The following NDRG2 variants were observed in gnomAD, a reference collection of about 807,000 sequenced individuals.
NDRG2 encodes the protein NDRG family member 2, also known as protein NDRG2.
NDRG2 carries 34 observed loss-of-function variants against 58.2 expected under a neutral mutation model. The ratio of observed to expected loss-of-function variants is 0.58; its 90% CI spans 0.44 to 0.78. The LOEUF (loss-of-function observed/expected upper bound fraction) is 0.78. Among genes scored for constraint, NDRG2 ranks in the 30% least tolerant of loss-of-function variants. The pLI, the probability that NDRG2 is intolerant of heterozygous loss-of-function variation, is 0.00. For missense variants in NDRG2, 434 were observed against 471.2 expected, an observed-to-expected ratio of 0.92 and a Z score of 0.73; for synonymous variants, 187 against 175.9, an observed-to-expected ratio of 1.06 and a Z score of -0.50.
intron 1 of NDRG2, chr14:21,032,026 C>CT: frequency 6.2e-7 from 1 of 1,614,150 alleles, no homozygotes; most frequent in Non-Finnish European, 8.5e-7. Context: ...ACAACACAGG[C>CT]TATGTGAGTG....
chr14:21,022,120 C>G lies in NDRG2; in HGVS notation c.286G>C (p.Val96Leu), dbSNP rs758507628. The G allele has an allele frequency of 1.2e-6, 2 of 1,614,166 alleles. No homozygotes were observed. The highest frequency in any genetic ancestry group is 1.1e-5 in the South Asian group (1 of 91,082). The change falls in exon 5 of 16, where the codon GTG becomes CTG. Residue 96 changes from valine (V) to leucine (L), a missense_variant. Val to Leu is a conservative substitution (Grantham distance 32). Coordinates refer to ENST00000556147, the MANE Select transcript of NDRG2 (RefSeq NM_001320329.2). Reference protein sequence around the residue: ...EDMQEIIQNFVRVHVDAPGME... With the variant: ...EDMQEIIQNFLRVHVDAPGME... ...CCAGGGGCATCCACATGAACCCGCA[C>G]AAAGTTCTGAATGATTTCCTGCATG...
Position 21,017,760 on chromosome 14 carries a change from C to T in NDRG2, c.952G>A (p.Ala318Thr). The T allele has an allele frequency of 6.2e-7, 1 of 1,600,392 alleles. No homozygotes were observed. The highest frequency in any genetic ancestry group is 1.1e-5 in the South Asian group (1 of 89,444). ...GACAGGCGAGTCATGCAGGATGAGG[C>T]CACTGTGGAGACAGCACGATGCACA... ...KYFLQGMGYMASSCMTRLSRS... is the reference protein window; with the variant it reads ...KYFLQGMGYMTSSCMTRLSRS... The change falls in exon 16 of 16, where the codon GCC (alanine) becomes ACC (threonine). Residue 318 changes from alanine to threonine, a missense_variant and splice_region_variant. Coordinates refer to ENST00000556147, the MANE Select transcript of NDRG2 (RefSeq NM_001320329.2).
At chr14:21,063,854 T>C (rs1321658220) in intron 1 of NDRG2, among the ~76,000 whole-genome samples, 1 of 152,206 alleles carries the variant, frequency 6.6e-6, no homozygotes, top group African/African-American at 2.4e-5. Context: ...GCTTAAAATT[T>C]TTCAGTGAGA....
At chr14:21,056,455 A>T (rs888896585) in intron 1 of NDRG2, among the ~76,000 whole-genome samples, 8 of 152,188 alleles carry the variant, frequency 5.3e-5, no homozygotes, top group African/African-American at 1.9e-4. Context: ...AACTTTTAAA[A>T]ATTCTATCCA....
rs937671172 is a variant in NDRG2, at chr14:21,024,528, G to A, written c.-505C>T. ...TCTCCAGTAAGAGGAGGGTAGCAGAGCATGGCTGTTTCCCTCCACAATTTA... is the reference window on the plus strand; with the variant it reads ...TCTCCAGTAAGAGGAGGGTAGCAGAACATGGCTGTTTCCCTCCACAATTTA... On this transcript the variant is annotated 5_prime_UTR_variant, in exon 1 of 16. Coordinates refer to ENST00000556147, the MANE Select transcript of NDRG2 (RefSeq NM_001320329.2). 2.9e-5 allele frequency: 29 copies of A among 985,242 alleles called. No homozygotes were observed. The highest frequency in any genetic ancestry group is 3.3e-5 in the Non-Finnish European group (27 of 829,854). The allele number at this position is 985,242 out of a possible 1,614,324, so 61.0% of individuals were successfully genotyped here.
At chr14:21,060,012 G>A (rs1283767235) in intron 1 of NDRG2, among the ~76,000 whole-genome samples, 1 of 152,100 alleles carries the variant, frequency 6.6e-6, no homozygotes, top group African/African-American at 2.4e-5. Context: ...ACGTGCACCT[G>A]TGTGCACAAC....
intron 1 of NDRG2, chr14:21,058,429 A>G (rs1479212827): frequency 1.8e-6 from 2 of 1,131,858 alleles, no homozygotes; most frequent in African/African-American, 1.6e-5. Context: ...CCAGTTCGTT[A>G]TTAATCCTTG....
intron 1 of NDRG2, among the ~76,000 whole-genome samples, chr14:21,036,849 G>C (rs1387476069): frequency 6.6e-6 from 1 of 152,206 alleles, no homozygotes; most frequent in Non-Finnish European, 1.5e-5. Context: ...AGTGAGGATA[G>C]AGCCCACATG....
intron 1 of NDRG2, among the ~76,000 whole-genome samples, chr14:21,048,103 C>T (rs1885284452): frequency 6.6e-6 from 1 of 152,098 alleles, no homozygotes; most frequent in Non-Finnish European, 1.5e-5. Flanking sequence ...GGGAGAGCTT[C>T]AACTCATTTC....
upstream of NDRG2, chr14:21,025,239 G>A (rs560649797): frequency 8.3e-6 from 7 of 839,788 alleles, no homozygotes; most frequent in South Asian, 1.1e-4. This position sits in a 1 kb window ranked among gnomAD's most constrained non-coding sequence, Gnocchi z 5.1. Flanking sequence ...GGGCCGGGGG[G>A]CGAGGGGCGG....
chr14:21,023,072 C>G, intron 2 of NDRG2, 167 bp from the exon 3 acceptor site: 2 of 957,198 alleles, frequency 2.1e-6, no homozygotes, highest in Non-Finnish European at 3.3e-6. Context: ...AGTGTAGTGA[C>G]GAGACAAGGG....
chr14:21,056,208 C>T (rs1223236483), intron 1 of NDRG2, among the ~76,000 whole-genome samples: 1 of 152,102 alleles, frequency 6.6e-6, no homozygotes, highest in African/African-American at 2.4e-5. Context: ...ACACTATCGC[C>T]GACCTGAGAA....
intron 6 of NDRG2, chr14:21,021,425 C>A: frequency 3.2e-6 from 1 of 315,220 alleles, no homozygotes; most frequent in Admixed American, 4.3e-5. Flanking sequence ...AACTCTCTCT[C>A]ACCCGCAGAG....
rs1265207037 is a variant in NDRG2 at position 21,024,762 on chromosome 14, C to T, written c.-739G>A. Reference sequence around the variant, plus strand: ...GCACCCGGAACCCGTCCCTACGAGTCCCTACGCAGCCCGTCCGCGTGGAGA... The same window carrying T: ...GCACCCGGAACCCGTCCCTACGAGTTCCTACGCAGCCCGTCCGCGTGGAGA... On this transcript the variant is annotated 5_prime_UTR_variant, in exon 1 of 16. Transcript: ENST00000556147. The T allele has an allele frequency of 3.0e-6, 3 of 985,432 alleles. No individual in the cohort carries two copies. In the African/African-American group the frequency reaches 5.2e-5, roughly 17 times the overall value. The allele number at this position is 985,432 out of a possible 1,614,324, so 61.0% of individuals were successfully genotyped here. A position where few individuals can be genotyped will look rare whatever the true frequency, so the allele number is the denominator to read the frequency against.
At chr14:21,054,999 G>T (rs1292363713) in intron 1 of NDRG2, among the ~76,000 whole-genome samples, 2 of 152,100 alleles carry the variant, frequency 1.3e-5, no homozygotes, top group African/African-American at 2.4e-5. Flanking sequence ...TGTTATCCTG[G>T]CTGCCTTTAG....
At chr14:21,059,489 T>C (rs1212258364) in intron 1 of NDRG2, among the ~76,000 whole-genome samples, 2 of 152,090 alleles carry the variant, frequency 1.3e-5, no homozygotes, top group South Asian at 2.1e-4. Flanking sequence ...TTTTGGGTTT[T>C]TTTTTTCTTT....
chr14:21,044,958 C>G lies in NDRG2; in HGVS notation c.25-21637G>C, dbSNP rs1157656842. On this transcript the variant is annotated intron_variant, in intron 1 of 14. Transcript: ENST00000403829. ...CGTCTACATGACCTCGAACAATTGGCTTGTCTGTTTCTCTACAGCAAAATG... is the reference window on the plus strand; with the variant it reads ...CGTCTACATGACCTCGAACAATTGGGTTGTCTGTTTCTCTACAGCAAAATG... 5.9e-5 allele frequency among the ~76,000 whole-genome samples: 9 copies of G among 152,296 alleles called. No homozygotes were observed. The East Asian group carries it at 1.7e-3, about 29-fold the overall frequency.
At chr14:21,022,559 C>T (rs1164118269) in intron 3 of NDRG2, 62 bp from the exon 4 acceptor site, 1 of 1,267,312 alleles carries the variant, frequency 7.9e-7, no homozygotes, top group Non-Finnish European at 1.1e-6. Context: ...AAAGGAGCAA[C>T]ACCAAGGTCA....
intron 6 of NDRG2, chr14:21,021,470 G>C (rs1268027407): frequency 3.1e-6 from 1 of 326,938 alleles, no homozygotes; most frequent in Non-Finnish European, 5.9e-6. Flanking sequence ...TGAAGGAGAG[G>C]GGAGTGGGAG....
Sources: gnomAD v4.1 joint callset for allele counts (sites outside exome capture counted in the v4.1 genomes callset) on GRCh38, gnomAD v4.1.1 for gene constraint, Gnocchi (gnomAD v3.1) non-coding constraint, MANE v1.5 for transcripts, NCBI Gene and HGNC (gene_info 2026-07-23, HGNC 2026-07-21) for gene names.